MAML2: variants seen among roughly 807,000 people sequenced by gnomAD.
The protein encoded by MAML2 is mastermind-like protein 2.
A neutral mutation model predicts 96.1 loss-of-function variants in MAML2; 22 were observed. That is an observed-to-expected ratio of 0.23 (90% CI 0.16 to 0.33). MAML2 has a LOEUF of 0.33. Ranked by LOEUF, MAML2 falls within the 10% of genes least tolerant of loss-of-function variation. MAML2 has a pLI of 1.00. For synonymous variants in MAML2, 561 were observed against 521.3 expected (o/e 1.08, Z -1.04); for missense variants, 1,367 against 1,392.4 (o/e 0.98, Z 0.29).
At chr11:96,241,593 C>G (rs1368719049) in intron 1 of MAML2, among the ~76,000 whole-genome samples, 1 of 152,206 alleles carries the variant, frequency 6.6e-6, no homozygotes, top group Non-Finnish European at 1.5e-5. Flanking sequence ...AATAGTGCCA[C>G]GGGTAAGAAA....
intron 1 of MAML2, among the ~76,000 whole-genome samples, chr11:96,190,250 C>T (rs1267368676): frequency 6.6e-6 from 1 of 152,180 alleles, no homozygotes; most frequent in Non-Finnish European, 1.5e-5. Context: ...GGCATTACCT[C>T]ATTTAATCCA....
At chr11:96,260,198 G>A (rs897580411) in intron 1 of MAML2, among the ~76,000 whole-genome samples, 1 of 151,960 alleles carries the variant, frequency 6.6e-6, no homozygotes, top group Non-Finnish European at 1.5e-5. Context: ...GGGATGGGGT[G>A]GGGGGAAGCA....
chr11:96,215,037 T>C (rs1368054017), intron 1 of MAML2, among the ~76,000 whole-genome samples: 1 of 152,210 alleles, frequency 6.6e-6, no homozygotes, highest in Non-Finnish European at 1.5e-5. Flanking sequence ...ATTAAAAAGA[T>C]CTAGCCCATA....
At chr11:96,176,003 T>C (rs1324258092) in intron 1 of MAML2, among the ~76,000 whole-genome samples, 1 of 152,170 alleles carries the variant, frequency 6.6e-6, no homozygotes, top group East Asian at 1.9e-4. Flanking sequence ...AAAAAAAGAC[T>C]CCTCAATGTG....
chr11:96,113,439 C>T (rs1860168026), intron 1 of MAML2, among the ~76,000 whole-genome samples: 1 of 151,814 alleles, frequency 6.6e-6, no homozygotes, highest in East Asian at 1.9e-4. Flanking sequence ...AAATCCTAAG[C>T]CTGATAAAAT....
At chr11:96,006,725 AT>A (rs1265645080) in intron 2 of MAML2, among the ~76,000 whole-genome samples, 3 of 150,186 alleles carry the variant, frequency 2.0e-5, no homozygotes, top group Non-Finnish European at 4.4e-5. Context: ...TACCTGGCTA[AT>A]TTTTTGTATG....
At chr11:96,272,708 A>T (rs1862934092) in intron 1 of MAML2, among the ~76,000 whole-genome samples, 1 of 152,168 alleles carries the variant, frequency 6.6e-6, no homozygotes, top group Non-Finnish European at 1.5e-5. Flanking sequence ...GCCTTTGGAG[A>T]CCTGGAATGC....
chr11:96,164,140 T>C (rs1861156521), intron 1 of MAML2, among the ~76,000 whole-genome samples: 1 of 152,074 alleles, frequency 6.6e-6, no homozygotes, highest in South Asian at 2.1e-4. Flanking sequence ...CTTCCAAAAG[T>C]GCTGTGATTA....
At chr11:96,302,403 C>T (rs1253748821) in intron 1 of MAML2, among the ~76,000 whole-genome samples, 1 of 152,182 alleles carries the variant, frequency 6.6e-6, no homozygotes, top group Non-Finnish European at 1.5e-5. Context: ...CAGTATCACC[C>T]TAATTCCCAA....
At chr11:96,149,750 A>C (rs1860890053) in intron 1 of MAML2, among the ~76,000 whole-genome samples, 1 of 152,072 alleles carries the variant, frequency 6.6e-6, no homozygotes, top group South Asian at 2.1e-4. Flanking sequence ...AGAAAAGTAA[A>C]GTTGTCCTCA....
intron 1 of MAML2, among the ~76,000 whole-genome samples, chr11:96,321,249 G>A (rs1465639098): frequency 6.6e-6 from 1 of 152,228 alleles, no homozygotes; most frequent in African/African-American, 2.4e-5. Context: ...CTCTTGGAAA[G>A]CTGGTGTTTC....
At chr11:96,209,714 C>A (rs956234320) in intron 1 of MAML2, among the ~76,000 whole-genome samples, 1 of 152,158 alleles carries the variant, frequency 6.6e-6, no homozygotes, top group Non-Finnish European at 1.5e-5. Flanking sequence ...ATTATAAAAT[C>A]TGTAGGCTCC....
intron 1 of MAML2, among the ~76,000 whole-genome samples, chr11:96,141,648 T>C (rs1860731843): frequency 6.6e-6 from 1 of 152,312 alleles, no homozygotes; most frequent in East Asian, 1.9e-4. Context: ...GAAGACCTCC[T>C]CCCTCCGATT....
At chr11:95,994,885 T>C (rs969223464) in intron 2 of MAML2, among the ~76,000 whole-genome samples, 8 of 152,216 alleles carry the variant, frequency 5.3e-5, no homozygotes, top group Non-Finnish European at 1.2e-4. Context: ...GCTCCGGAGA[T>C]AGGTCCACCT....
At chr11:96,029,307 C>T (rs1858574485) in intron 2 of MAML2, among the ~76,000 whole-genome samples, 1 of 151,898 alleles carries the variant, frequency 6.6e-6, no homozygotes, top group African/African-American at 2.4e-5. Flanking sequence ...ATAATGTTCC[C>T]CTGATAGGGA....
intron 1 of MAML2, among the ~76,000 whole-genome samples, chr11:96,296,846 A>G (rs1863307542): frequency 6.6e-6 from 1 of 152,200 alleles, no homozygotes; most frequent in Non-Finnish European, 1.5e-5. Flanking sequence ...TTGGACCTTG[A>G]ATGATAAGGA....
intron 4 of MAML2, among the ~76,000 whole-genome samples, chr11:95,984,804 G>T (rs766558206): frequency 6.6e-5 from 10 of 152,142 alleles, no homozygotes; most frequent in Non-Finnish European, 1.2e-4. Context: ...ACCCAAGAGC[G>T]TAAACTTAAC....
intron 2 of MAML2, among the ~76,000 whole-genome samples, chr11:96,040,420 A>G (rs575787456): frequency 6.6e-6 from 1 of 152,264 alleles, no homozygotes; most frequent in Admixed American, 6.5e-5. Context: ...ACAATATATG[A>G]CCTTTATGTA....
intron 1 of MAML2, among the ~76,000 whole-genome samples, chr11:96,243,709 A>G (rs1862471224): frequency 6.9e-6 from 1 of 144,594 alleles, no homozygotes; most frequent in Non-Finnish European, 1.5e-5. Flanking sequence ...GCTGGAGTGC[A>G]GTGGCGCGAT....
Sources: gnomAD v4.1 joint callset for allele counts (sites outside exome capture counted in the v4.1 genomes callset) on GRCh38, gnomAD v4.1.1 for gene constraint, MANE v1.5 for transcripts, NCBI Gene and HGNC (gene_info 2026-07-23, HGNC 2026-07-21) for gene names.